The following WDFY3 variants were observed in gnomAD, a reference collection of about 807,000 sequenced individuals.
WDFY3 encodes WD repeat and FYVE domain containing 3, also known as WD repeat and FYVE domain-containing protein 3.
A neutral mutation model predicts 409.6 loss-of-function variants in WDFY3; 66 were observed. The observed-to-expected ratio is 0.16, with a 90% CI of 0.13 to 0.20. WDFY3 has a LOEUF of 0.20. Ranked by LOEUF, WDFY3 falls within the 10% of genes least tolerant of loss-of-function variation. The pLI is 1.00. For missense variants in WDFY3, 3,031 were observed against 4,298.1 expected (o/e 0.71, Z 8.24); for synonymous variants, 1,521 against 1,537.1 (o/e 0.99, Z 0.25).
At chr4:84,848,488 G>C (rs1318176234) in intron 5 of WDFY3, among the ~76,000 whole-genome samples, 1 of 152,164 alleles carries the variant, frequency 6.6e-6, no homozygotes, top group Non-Finnish European at 1.5e-5. Context: ...TGGAAGGACA[G>C]AGCTAAGACA....
chr4:84,811,553 A>G (rs1752493310), intron 13 of WDFY3, among the ~76,000 whole-genome samples: 1 of 152,038 alleles, frequency 6.6e-6, no homozygotes, highest in Non-Finnish European at 1.5e-5. Context: ...TAATTACCCT[A>G]CTCCTGCACT....
Position 84,690,576 on chromosome 4 carries a change from G to T in WDFY3, c.9293C>A (p.Thr3098Lys), listed in dbSNP as rs1729092582. ...CTCCCACACACACACAACCGTGCTT[G>T]TTCCACCCGTGATGACCAGCTTGGG... is the stretch of plus-strand genomic sequence containing the variant. The part of the protein sequence containing the change: ...PNPKLVITGG[T>K]STVVCVWEMG... The change falls in exon 61 of 68, where the codon ACA becomes AAA. Residue 3098 changes from threonine to lysine, a missense_variant. Thr to Lys is a moderately conservative substitution (Grantham distance 78). This residue lies in a region of WDFY3 where 152 missense variants were observed against 193.5 expected (regional missense o/e 0.79). Coordinates refer to ENST00000295888, the MANE Select transcript of WDFY3 (RefSeq NM_014991.6). The T allele has an allele frequency of 6.2e-7, 1 of 1,614,000 alleles. No individual in the cohort carries two copies. Among genetic ancestry groups the T allele is most frequent in the African/African-American group, 1.3e-5 (1 of 74,880 alleles).
chr4:84,842,377 T>C (rs1441183490), intron 5 of WDFY3, among the ~76,000 whole-genome samples: 1 of 151,834 alleles, frequency 6.6e-6, no homozygotes, highest in African/African-American at 2.4e-5. Context: ...CTTGGGAGGC[T>C]GAGGCAGGAG....
At chr4:84,792,612 C>T (rs1748714327) in intron 21 of WDFY3, among the ~76,000 whole-genome samples, 1 of 152,110 alleles carries the variant, frequency 6.6e-6, no homozygotes, top group Admixed American at 6.6e-5. Context: ...AGAATGAATC[C>T]TGGCAATACT....
intron 2 of WDFY3, among the ~76,000 whole-genome samples, chr4:84,923,080 T>C (rs1769492858): frequency 6.6e-6 from 1 of 152,182 alleles, no homozygotes; most frequent in Non-Finnish European, 1.5e-5. Context: ...ATCATCATAG[T>C]CTTTTGGGGT....
intron 5 of WDFY3, chr4:84,849,599 A>T: frequency 6.0e-6 from 1 of 167,290 alleles, no homozygotes; most frequent in Non-Finnish European, 1.2e-5. Context: ...AGACCAGATG[A>T]TAGCTTTGCC....
chr4:84,824,664 CGGT>C (rs1271037564), intron 10 of WDFY3, among the ~76,000 whole-genome samples: 1 of 152,090 alleles, frequency 6.6e-6, no homozygotes, highest in Non-Finnish European at 1.5e-5. Flanking sequence ...ATCATGATTA[CGGT>C]GGTGATTACA....
At chr4:84,885,034 T>G (rs1279406670) in intron 3 of WDFY3, among the ~76,000 whole-genome samples, 1 of 152,162 alleles carries the variant, frequency 6.6e-6, no homozygotes, top group African/African-American at 2.4e-5. Flanking sequence ...GAAGTCTCAC[T>G]CTGTCACCCA....
At chr4:84,674,691 A>C (rs955597481) in intron 67 of WDFY3, among the ~76,000 whole-genome samples, 4 of 150,368 alleles carry the variant, frequency 2.7e-5, no homozygotes, top group African/African-American at 9.8e-5. Context: ...AATATGGTGA[A>C]ACCCCGTCTC....
chr4:84,823,673 G>T (rs1430909717), intron 10 of WDFY3, among the ~76,000 whole-genome samples: 1 of 152,096 alleles, frequency 6.6e-6, no homozygotes, highest in Admixed American at 6.6e-5. Context: ...CATAAAAAAT[G>T]CAAAACTTCA....
At chr4:84,686,265 C>T (rs1006342018) in intron 62 of WDFY3, among the ~76,000 whole-genome samples, 5 of 152,034 alleles carry the variant, frequency 3.3e-5, no homozygotes, top group Non-Finnish European at 7.3e-5. Context: ...GACATAGCAC[C>T]ACTGCAGTCA....
intron 3 of WDFY3, among the ~76,000 whole-genome samples, chr4:84,879,782 G>A (rs1159673523): frequency 2.0e-5 from 3 of 152,136 alleles, no homozygotes; most frequent in Non-Finnish European, 4.4e-5. Flanking sequence ...TCAAGTCAAT[G>A]AGAGAAAGGC....
intron 61 of WDFY3, among the ~76,000 whole-genome samples, chr4:84,689,954 A>C (rs537109433): frequency 6.6e-5 from 10 of 152,342 alleles, no homozygotes; most frequent in Middle Eastern, 6.8e-3. Flanking sequence ...AATATTAAGA[A>C]ATGGCTTAAT....
At chr4:84,837,508 T>C (rs1467596197) in intron 6 of WDFY3, among the ~76,000 whole-genome samples, 1 of 152,172 alleles carries the variant, frequency 6.6e-6, no homozygotes, top group African/African-American at 2.4e-5. Flanking sequence ...AGATAATACA[T>C]ACAAAGAAAC....
intron 46 of WDFY3, among the ~76,000 whole-genome samples, chr4:84,723,255 G>T (rs1472081281): frequency 1.3e-5 from 2 of 152,176 alleles, no homozygotes; most frequent in African/African-American, 4.8e-5. Flanking sequence ...ATTATAAAAT[G>T]TTTAGTAAGT....
chr4:84,695,595 C>T (rs1199301181), intron 58 of WDFY3, among the ~76,000 whole-genome samples: 1 of 147,044 alleles, frequency 6.8e-6, no homozygotes, highest in East Asian at 2.2e-4. Flanking sequence ...CCAGAATGAA[C>T]TTCTAAAGTT....
chr4:84,698,165 T>A (rs2148903471), intron 56 of WDFY3, among the ~76,000 whole-genome samples: 1 of 152,220 alleles, frequency 6.6e-6, no homozygotes, highest in Admixed American at 6.5e-5. Flanking sequence ...TTTGCTACAA[T>A]CCTTGAATAC....
chr4:84,828,355 C>G (rs1755165042), intron 9 of WDFY3, among the ~76,000 whole-genome samples: 1 of 151,452 alleles, frequency 6.6e-6, no homozygotes, highest in South Asian at 2.1e-4. Context: ...TTTATTCCAT[C>G]TACATAATTA....
intron 7 of WDFY3, among the ~76,000 whole-genome samples, chr4:84,836,493 G>A (rs1756593330): frequency 6.6e-6 from 1 of 152,098 alleles, no homozygotes; most frequent in Non-Finnish European, 1.5e-5. Flanking sequence ...CAGGGCAGAG[G>A]AGGAGGCAGC....
Sources: gnomAD v4.1 joint callset for allele counts (sites outside exome capture counted in the v4.1 genomes callset) on GRCh38, gnomAD v4.1.1 for gene constraint, gnomAD v4.1.1 regional missense constraint, MANE v1.5 for transcripts, NCBI Gene and HGNC (gene_info 2026-07-23, HGNC 2026-07-21) for gene names.